The following LRRTM4 variants were observed in gnomAD, a reference collection of about 807,000 sequenced individuals.
LRRTM4 encodes leucine rich repeat transmembrane neuronal 4.
Under a neutral mutation model 47.6 loss-of-function variants are expected in LRRTM4, and 25 were observed. The observed-to-expected ratio is 0.53, with a 90% CI of 0.38 to 0.73. LRRTM4 has a LOEUF of 0.73. Among genes scored for constraint, LRRTM4 ranks in the 30% least tolerant of loss-of-function variants. The pLI is 0.00. For synonymous variants in LRRTM4, 311 were observed against 269.5 expected, an observed-to-expected ratio of 1.15 and a Z score of -1.51; for missense variants, 638 against 713.4, an observed-to-expected ratio of 0.89 and a Z score of 1.20.
At chr2:77,424,239 T>A (rs1675019094) in intron 3 of LRRTM4, among the ~76,000 whole-genome samples, 1 of 152,186 alleles carries the variant, frequency 6.6e-6, no homozygotes, top group South Asian at 2.1e-4. Flanking sequence ...TCTGTACATT[T>A]TAGTTTATTG....
chr2:76,941,839 T>C (rs751787033), intron 3 of LRRTM4, among the ~76,000 whole-genome samples: 1 of 152,212 alleles, frequency 6.6e-6, no homozygotes, highest in Non-Finnish European at 1.5e-5. Context: ...GTAATGGGAC[T>C]GCTGGGTCAA....
chr2:76,929,240 G>C (rs1674688897), intron 3 of LRRTM4, among the ~76,000 whole-genome samples: 1 of 150,910 alleles, frequency 6.6e-6, no homozygotes, highest in South Asian at 2.1e-4. Flanking sequence ...TGTTTGCTTT[G>C]TTTTGTTTCT....
chr2:77,037,845 A>G (rs770415079), intron 3 of LRRTM4, among the ~76,000 whole-genome samples: 1 of 151,666 alleles, frequency 6.6e-6, no homozygotes, highest in Non-Finnish European at 1.5e-5. Flanking sequence ...CACAATTTAA[A>G]TTGGTTTCAT....
chr2:77,059,946 A>C (rs965412544), intron 3 of LRRTM4, among the ~76,000 whole-genome samples: 13 of 152,140 alleles, frequency 8.5e-5, no homozygotes, highest in African/African-American at 3.1e-4. Context: ...AATCAAAACA[A>C]TGTTCTTTGT....
At chr2:77,358,707 A>G (rs534909585) in intron 3 of LRRTM4, among the ~76,000 whole-genome samples, 1 of 152,346 alleles carries the variant, frequency 6.6e-6, no homozygotes, top group South Asian at 2.1e-4. Context: ...TCATCCCAAC[A>G]ACAGTGAATG....
Position 77,217,468 on chromosome 2 carries a change from T to TATATATATATATATATATATATATATAC in LRRTM4, c.1551+300849_1551+300850insGTATATATATATATATATATATATATAT, listed in dbSNP as rs1338917871. ...ATATATATATATATATATATATATA[T>TATATATATATATATATATATATATATAC]ACTAAGCCTTTAATTTAAAAAGATA... On this transcript the variant is annotated intron_variant, in intron 3 of 3. Transcript: ENST00000409884. Among the ~76,000 whole-genome samples the TATATATATATATATATATATATATATAC allele has an allele frequency of 6.0e-5, 8 of 134,248 alleles. 1 individual carries two copies. Among genetic ancestry groups the TATATATATATATATATATATATATATAC allele is most frequent in the African/African-American group, 8.7e-5 (3 of 34,472 alleles). 88.1% of individuals were successfully genotyped at this position (134,248 alleles called of 152,430 possible).
chr2:77,158,951 G>T (rs561602064), intron 3 of LRRTM4, among the ~76,000 whole-genome samples: 1 of 151,726 alleles, frequency 6.6e-6, no homozygotes, highest in Non-Finnish European at 1.5e-5. Context: ...CTTTCACTCC[G>T]TGAATATTCT....
At chr2:77,041,755 G>A (rs1679041604) in intron 3 of LRRTM4, among the ~76,000 whole-genome samples, 1 of 145,742 alleles carries the variant, frequency 6.9e-6, no homozygotes, top group East Asian at 2.0e-4. Context: ...TTTTCTTTTT[G>A]CTAGTGAATT....
At chr2:77,496,960 CACTT>C (rs1678387073) in intron 3 of LRRTM4, among the ~76,000 whole-genome samples, 1 of 151,668 alleles carries the variant, frequency 6.6e-6, no homozygotes, top group South Asian at 2.1e-4. Context: ...TGTAAGTACA[CACTT>C]AATTTTTAAA....
At chr2:77,221,983 G>T (rs1674649045) in intron 3 of LRRTM4, among the ~76,000 whole-genome samples, 1 of 152,094 alleles carries the variant, frequency 6.6e-6, no homozygotes, top group African/African-American at 2.4e-5. Context: ...AAATGTGAAA[G>T]AACAGAAATT....
At chr2:77,347,461 G>A (rs1295232749) in intron 3 of LRRTM4, among the ~76,000 whole-genome samples, 2 of 151,986 alleles carry the variant, frequency 1.3e-5, no homozygotes, top group African/African-American at 2.4e-5. Context: ...GGAACATTGT[G>A]TATAATATTA....
chr2:77,066,870 C>A (rs1679973196), intron 3 of LRRTM4, among the ~76,000 whole-genome samples: 1 of 152,170 alleles, frequency 6.6e-6, no homozygotes, highest in Admixed American at 6.5e-5. Context: ...TAATGTTGTG[C>A]ATGTATGTCC....
chr2:77,010,166 G>T (rs1008120914), intron 3 of LRRTM4, among the ~76,000 whole-genome samples: 8 of 151,834 alleles, frequency 5.3e-5, no homozygotes, highest in Non-Finnish European at 7.4e-5. Context: ...TACTCTCTAA[G>T]CAATTCTCAA....
chr2:77,219,035 A>T (rs72809119), intron 3 of LRRTM4, among the ~76,000 whole-genome samples: 1 of 152,156 alleles, frequency 6.6e-6, no homozygotes, highest in Non-Finnish European at 1.5e-5. Context: ...GAGAAATATT[A>T]AAATCAGACT....
At chr2:76,863,800 TCTC>T (rs903134333) in intron 3 of LRRTM4, among the ~76,000 whole-genome samples, 1 of 152,146 alleles carries the variant, frequency 6.6e-6, no homozygotes, top group Non-Finnish European at 1.5e-5. Flanking sequence ...TTTTAACAAT[TCTC>T]CTCATGATAT....
chr2:76,980,627 T>C (rs1460522199), intron 3 of LRRTM4, among the ~76,000 whole-genome samples: 1 of 151,818 alleles, frequency 6.6e-6, no homozygotes, highest in African/African-American at 2.4e-5. Context: ...GGCAAGCAAG[T>C]GAAAAGCAGG....
intron 3 of LRRTM4, among the ~76,000 whole-genome samples, chr2:77,318,302 G>A (rs562216828): frequency 2.1e-3 from 323 of 152,076 alleles, no homozygotes; most frequent in Non-Finnish European, 3.4e-3. Context: ...CACCGCGCCC[G>A]GCCCCAACAC....
intron 3 of LRRTM4, among the ~76,000 whole-genome samples, chr2:76,785,149 T>C (rs923651935): frequency 6.6e-6 from 1 of 152,116 alleles, no homozygotes; most frequent in African/African-American, 2.4e-5. Flanking sequence ...ACAATTAATT[T>C]AAAATGCTGC....
chr2:77,364,552 G>C (rs1672366391), intron 3 of LRRTM4, among the ~76,000 whole-genome samples: 1 of 151,998 alleles, frequency 6.6e-6, no homozygotes. Flanking sequence ...TTAGGGTGCT[G>C]GTTGAATTCC....
Sources: gnomAD v4.1 joint callset for allele counts (sites outside exome capture counted in the v4.1 genomes callset) on GRCh38, gnomAD v4.1.1 for gene constraint, MANE v1.5 for transcripts, NCBI Gene and HGNC (gene_info 2026-07-23, HGNC 2026-07-21) for gene names.